The following ZFYVE1 variants were observed in gnomAD, a reference collection of about 807,000 sequenced individuals.
ZFYVE1 encodes zinc finger FYVE-type containing 1.
ZFYVE1 carries 30 observed loss-of-function variants against 74.4 expected under a neutral mutation model. That is an observed-to-expected ratio of 0.40 (90% CI 0.30 to 0.55). ZFYVE1 has a LOEUF of 0.55. Ranked by LOEUF, ZFYVE1 falls within the 20% of genes least tolerant of loss-of-function variation. ZFYVE1 has a pLI of 0.42. For missense variants in ZFYVE1, 703 were observed against 1,011.6 expected (o/e 0.69, Z 4.14); for synonymous variants, 335 against 385.1 (o/e 0.87, Z 1.52).
rs374542994 is a variant in ZFYVE1 at position 73,024,350 on chromosome 14, C to T, written c.159G>A (p.Glu53=). Reference sequence around the variant, plus strand: ...TTATCCGCTCATGGTTTCTCAGGCGCTCCTGCCGATGGAGCTCCTCCTCGC... The same window carrying T: ...TTATCCGCTCATGGTTTCTCAGGCGTTCCTGCCGATGGAGCTCCTCCTCGC... ...LRCEEELHRQ[E]RLRNHERIRL... The change falls in exon 2 of 12, where the codon GAG becomes GAA. Residue 53 remains glutamate (E), a synonymous_variant. Coordinates refer to ENST00000556143, the MANE Select transcript of ZFYVE1 (RefSeq NM_021260.4). The T allele has an allele frequency of 6.9e-5, 112 of 1,614,150 alleles. No homozygotes were observed. In the East Asian group the frequency reaches 2.3e-3, roughly 33 times the overall value.
At chr14:73,020,057 C>T (rs1894284634) in intron 2 of ZFYVE1, among the ~76,000 whole-genome samples, 1 of 151,964 alleles carries the variant, frequency 6.6e-6, no homozygotes. Flanking sequence ...GAGATCAAGA[C>T]CATCCTGGTC....
chr14:72,979,349 A>G (rs1893263664), intron 5 of ZFYVE1: 3 of 195,326 alleles, frequency 1.5e-5, no homozygotes, highest in Non-Finnish European at 3.2e-5. Context: ...AAAATACAAA[A>G]CTTAGCCGGG....
intron 2 of ZFYVE1, among the ~76,000 whole-genome samples, chr14:73,020,867 G>A (rs1275365156): frequency 6.6e-6 from 1 of 152,136 alleles, no homozygotes; most frequent in East Asian, 1.9e-4. Flanking sequence ...CCCAGGTACT[G>A]GGATTATAGG....
At chr14:72,991,637 T>C (rs1426246212) in intron 4 of ZFYVE1, among the ~76,000 whole-genome samples, 1 of 152,148 alleles carries the variant, frequency 6.6e-6, no homozygotes, top group African/African-American at 2.4e-5. Flanking sequence ...TTCAGAATGT[T>C]TGCATTAGGT....
chr14:73,023,180 A>ATTT (rs1446353978), intron 2 of ZFYVE1, among the ~76,000 whole-genome samples: 3 of 137,666 alleles, frequency 2.2e-5, no homozygotes, highest in African/African-American at 8.0e-5. Context: ...ATATATATAT[A>ATTT]TATATATATA....
At chr14:72,988,730 C>T (rs986982305) in intron 4 of ZFYVE1, among the ~76,000 whole-genome samples, 27 of 149,048 alleles carry the variant, frequency 1.8e-4, no homozygotes, top group African/African-American at 6.7e-4. Context: ...TCACTTGAAC[C>T]TGGGAGTCAG....
chr14:72,989,896 C>T (rs1194468085), intron 4 of ZFYVE1, among the ~76,000 whole-genome samples: 1 of 151,934 alleles, frequency 6.6e-6, no homozygotes, highest in Non-Finnish European at 1.5e-5. Flanking sequence ...TTTATACCCA[C>T]CCCAACTCTT....
chr14:72,972,464 T>G (rs1046132148), intron 11 of ZFYVE1, among the ~76,000 whole-genome samples: 1 of 152,196 alleles, frequency 6.6e-6, no homozygotes, highest in African/African-American at 2.4e-5. Flanking sequence ...AGATTTAAGC[T>G]TGGGCAAATC....
In ZFYVE1 at chr14:72,975,942, C is replaced by T; in HGVS notation, c.1636-221G>A. 2 of 538,906 alleles carry T rather than the reference C, an allele frequency of 3.7e-6. No individual in the cohort carries two copies. The highest frequency in any genetic ancestry group is 5.1e-5 in the South Asian group (2 of 39,408). 33.4% of individuals were successfully genotyped at this position (538,906 alleles called of 1,614,324 possible). ...CTGTTCAATTCAGGACTTACTAAGC[C>T]CATATAATACAGGAGATGACACCTC... On this transcript the variant is annotated intron_variant, in intron 8 of 11. Transcript: ENST00000556143. This position sits in a 1 kb window ranked among gnomAD's most constrained non-coding sequence, Gnocchi z 4.1.
chr14:73,007,833 T>C (rs1024345126), intron 2 of ZFYVE1, among the ~76,000 whole-genome samples: 1 of 152,248 alleles, frequency 6.6e-6, no homozygotes, highest in Admixed American at 6.5e-5. Context: ...AAAATTTCTT[T>C]TCATTCTATC....
At chr14:72,977,507 C>T (rs531839647) in intron 8 of ZFYVE1, among the ~76,000 whole-genome samples, 3 of 151,676 alleles carry the variant, frequency 2.0e-5, no homozygotes, top group Admixed American at 6.6e-5. Flanking sequence ...CTTTCTTACA[C>T]GAAGATGGTG....
rs61506461 is a variant in ZFYVE1 at position 73,018,939 on chromosome 14, C to CA, written c.483+5086dup. Among the ~76,000 whole-genome samples, 200 of 85,484 alleles carry CA rather than the reference C, an allele frequency of 2.3e-3. 2 individuals carry two copies. Among genetic ancestry groups the CA allele is most frequent in the Middle Eastern group, 6.7e-3 (1 of 150 alleles). The allele number at this position is 85,484 out of a possible 152,430, so 56.1% of individuals were successfully genotyped here. A position where few individuals can be genotyped will look rare whatever the true frequency, so the allele number is the denominator to read the frequency against. On this transcript the variant is annotated intron_variant, in intron 2 of 11. Transcript: ENST00000556143. ...AGCCTGGGTGACAGAGACTCCATCT[C>CA]AAAAAAAAAAAAAAAAAGTTCCTGG...
At chr14:72,996,589 C>T (rs1411547087) in intron 3 of ZFYVE1, among the ~76,000 whole-genome samples, 3 of 152,142 alleles carry the variant, frequency 2.0e-5, no homozygotes, top group East Asian at 1.9e-4. Flanking sequence ...GCAATTTGTT[C>T]CTTGAAGCTA....
chr14:72,990,266 T>C (rs987703312), intron 4 of ZFYVE1, among the ~76,000 whole-genome samples: 10 of 151,952 alleles, frequency 6.6e-5, no homozygotes, highest in Non-Finnish European at 1.5e-4. Flanking sequence ...CTCCTTCCCA[T>C]AGACAAAAGA....
intron 3 of ZFYVE1, among the ~76,000 whole-genome samples, chr14:72,995,480 G>A (rs558779696): frequency 2.1e-4 from 15 of 70,664 alleles, no homozygotes; most frequent in Non-Finnish European, 2.4e-4. Flanking sequence ...TGATCCTCCC[G>A]CCTCAATGTC....
Position 73,024,536 on chromosome 14 carries a change from CCATAT to C in ZFYVE1, c.-33_-29del. On this transcript the variant is annotated 5_prime_UTR_variant, in exon 2 of 12. The change abolishes an upstream ATG in the 5' untranslated region. Transcript: ENST00000556143. ...TCACGCTGGTAAGGAAACACACCCA[CCATAT>C]AATAGTCACTGAGCTTGCCCCGGGG... 1 of 1,562,236 alleles carries C rather than the reference CCATAT, an allele frequency of 6.4e-7. No homozygotes were observed. Among genetic ancestry groups the C allele is most frequent in the Non-Finnish European group, 8.7e-7 (1 of 1,154,606 alleles).
Position 72,978,296 on chromosome 14 carries a change from C to T in ZFYVE1, c.1420-62G>A, listed in dbSNP as rs1386447040. 27 of 1,542,710 alleles carry T rather than the reference C, an allele frequency of 1.8e-5. No individual in the cohort carries two copies. The Admixed American group carries it at 2.4e-4, about 14-fold the overall frequency. On this transcript the variant is annotated intron_variant, in intron 6 of 11. Transcript: ENST00000556143. The stretch of plus-strand genomic sequence containing the variant: ...TTTTTGTTTGTTTTTTTAATAGACA[C>T]GGGGTTTTACCAGCCCAGGCTGGTT...
At position 73,027,063 on chromosome 14, in the gene ZFYVE1, G is replaced by A. The variant is rs1278667300; in HGVS notation, c.-572C>T. Reference sequence around the variant, plus strand: ...ACCCTCCTCCTTCGTTGCCTCCCGGGCTTCCTCCTCTCCTGTTGTCAGTTG... The same window carrying A: ...ACCCTCCTCCTTCGTTGCCTCCCGGACTTCCTCCTCTCCTGTTGTCAGTTG... On this transcript the variant is annotated 5_prime_UTR_variant, in exon 1 of 12. Coordinates refer to ENST00000556143, the MANE Select transcript of ZFYVE1 (RefSeq NM_021260.4). The A allele has an allele frequency of 1.0e-5, 4 of 399,432 alleles. No individual in the cohort carries two copies. Among genetic ancestry groups the A allele is most frequent in the Non-Finnish European group, 1.3e-5 (3 of 226,724 alleles). The allele number at this position is 399,432 out of a possible 1,614,324, so 24.7% of individuals were successfully genotyped here.
At chr14:72,992,621 C>CCCT (rs1471945072) in intron 4 of ZFYVE1, among the ~76,000 whole-genome samples, 1 of 111,196 alleles carries the variant, frequency 9.0e-6, no homozygotes, top group Non-Finnish European at 2.0e-5. Flanking sequence ...AGGTGCCCCC[C>CCCT]CCGCCCCTTG....
Sources: allele counts gnomAD v4.1 joint callset (sites outside exome capture counted in the v4.1 genomes callset), GRCh38; gene constraint gnomAD v4.1.1; non-coding constraint Gnocchi (gnomAD v3.1); transcripts MANE v1.5; gene names NCBI Gene and HGNC (gene_info 2026-07-23, HGNC 2026-07-21).